The following PTPRT variants were observed in gnomAD, a reference collection of about 807,000 sequenced individuals.
PTPRT encodes the protein protein tyrosine phosphatase receptor type T.
In PTPRT, 56 loss-of-function variants were observed where a neutral mutation model predicts 176.8. That is an observed-to-expected ratio of 0.32 (90% CI 0.26 to 0.40). The LOEUF (loss-of-function observed/expected upper bound fraction) is 0.40. Among genes scored for constraint, PTPRT ranks in the 10% least tolerant of loss-of-function variants. The pLI is 1.00. For missense variants in PTPRT, 1,540 were observed against 1,908.2 expected, an observed-to-expected ratio of 0.81 and a Z score of 3.60; for synonymous variants, 783 against 739.0, an observed-to-expected ratio of 1.06 and a Z score of -0.96.
chr20:43,101,416 A>G (rs1411221727), intron 1 of PTPRT, among the ~76,000 whole-genome samples: 1 of 152,118 alleles, frequency 6.6e-6, no homozygotes, highest in African/African-American at 2.4e-5. Context: ...CCCAACTGCA[A>G]TGATCTGAGG....
At chr20:42,529,150 C>T (rs755328427) in intron 7 of PTPRT, among the ~76,000 whole-genome samples, 1 of 152,194 alleles carries the variant, frequency 6.6e-6, no homozygotes, top group Non-Finnish European at 1.5e-5. Context: ...TCAGCTTCCT[C>T]ACCTATAAGA....
intron 8 of PTPRT, among the ~76,000 whole-genome samples, chr20:42,469,989 A>G (rs1383847705): frequency 6.6e-6 from 1 of 152,180 alleles, no homozygotes. Context: ...AGAGTACTAG[A>G]TCCTACTGAA....
chr20:42,660,241 A>G (rs953854248), intron 7 of PTPRT, among the ~76,000 whole-genome samples: 1 of 152,130 alleles, frequency 6.6e-6, no homozygotes, highest in African/African-American at 2.4e-5. Flanking sequence ...ACAAGTTCAG[A>G]AGATTTGTAA....
chr20:42,177,133 T>A (rs186754895), intron 16 of PTPRT, among the ~76,000 whole-genome samples: 1 of 152,330 alleles, frequency 6.6e-6, no homozygotes, highest in Non-Finnish European at 1.5e-5. Flanking sequence ...CAAGGTGTAA[T>A]GTACATATCT....
At position 42,850,106 on chromosome 20, in the gene PTPRT, C is replaced by T. The variant is rs1236688489; in HGVS notation, c.214+35701G>A. Among the ~76,000 whole-genome samples the T allele has an allele frequency of 5.3e-5, 8 of 152,304 alleles. 1 individual carries two copies. The South Asian group carries it at 1.7e-3, about 32-fold the overall frequency. ...ATAAACTGAATTTGTGAAGGACTAC[C>T]TCTTCCTCCATTTTCTCCTAATCAA... On this transcript the variant is annotated intron_variant, in intron 2 of 30. Coordinates refer to ENST00000373187, the MANE Select transcript of PTPRT (RefSeq NM_007050.6).
intron 2 of PTPRT, among the ~76,000 whole-genome samples, chr20:42,860,676 T>C (rs916619844): frequency 1.3e-5 from 2 of 152,194 alleles, no homozygotes; most frequent in African/African-American, 4.8e-5. Context: ...TAACTGGTGA[T>C]TGGTATTTAG....
chr20:43,089,632 G>A (rs2011742857), intron 1 of PTPRT, among the ~76,000 whole-genome samples: 1 of 152,182 alleles, frequency 6.6e-6, no homozygotes, highest in Non-Finnish European at 1.5e-5. Context: ...GAGAAGGAGA[G>A]GGAGGTGGAA....
At chr20:43,084,615 C>T (rs1309654046) in intron 1 of PTPRT, among the ~76,000 whole-genome samples, 1 of 152,186 alleles carries the variant, frequency 6.6e-6, no homozygotes, top group Non-Finnish European at 1.5e-5. Flanking sequence ...GGAGGGGACA[C>T]AGAGCCAAAC....
intron 11 of PTPRT, among the ~76,000 whole-genome samples, chr20:42,334,705 C>T (rs994477044): frequency 1.3e-5 from 2 of 152,162 alleles, no homozygotes; most frequent in Non-Finnish European, 2.9e-5. Flanking sequence ...AGAGCATAGG[C>T]TCAGGAATCA....
At chr20:42,339,855 CAGTA>C in intron 11 of PTPRT, among the ~76,000 whole-genome samples, 1 of 152,340 alleles carries the variant, frequency 6.6e-6, no homozygotes, top group South Asian at 2.1e-4. Flanking sequence ...AGAATCTCCA[CAGTA>C]AGTAAGCCCA....
chr20:42,180,083 G>A (rs1156464452), intron 16 of PTPRT, among the ~76,000 whole-genome samples: 2 of 152,196 alleles, frequency 1.3e-5, no homozygotes, highest in African/African-American at 4.8e-5. Context: ...CCTTACCCCA[G>A]AAGGCTAGGC....
intron 7 of PTPRT, among the ~76,000 whole-genome samples, chr20:42,584,011 T>A (rs1423508984): frequency 3.3e-5 from 5 of 152,184 alleles, no homozygotes; most frequent in Non-Finnish European, 5.9e-5. Context: ...TTAACTGATC[T>A]GGCTGAGCCC....
chr20:42,177,264 T>C (rs1990332842), intron 16 of PTPRT, among the ~76,000 whole-genome samples: 1 of 152,168 alleles, frequency 6.6e-6, no homozygotes, highest in Non-Finnish European at 1.5e-5. Flanking sequence ...CCTTGAGTAG[T>C]GAGGGATTAG....
At chr20:42,275,155 C>A (rs781128816) in intron 13 of PTPRT, among the ~76,000 whole-genome samples, 11 of 152,228 alleles carry the variant, frequency 7.2e-5, no homozygotes, top group Non-Finnish European at 1.2e-4. Context: ...TGTCAGCACA[C>A]AAAGCCCTGT....
chr20:43,143,968 T>C (rs1219261674), intron 1 of PTPRT, among the ~76,000 whole-genome samples: 1 of 152,172 alleles, frequency 6.6e-6, no homozygotes, highest in Non-Finnish European at 1.5e-5. Flanking sequence ...AAGGAACCCA[T>C]TGCCAAGTGA....
chr20:42,091,543 T>C (rs182606201), intron 27 of PTPRT, among the ~76,000 whole-genome samples: 2 of 152,226 alleles, frequency 1.3e-5, no homozygotes, highest in Non-Finnish European at 2.9e-5. Context: ...CTTTATTTAT[T>C]AAGGCCCCTG....
At chr20:42,761,533 G>C (rs2076915981) in intron 5 of PTPRT, among the ~76,000 whole-genome samples, 1 of 152,180 alleles carries the variant, frequency 6.6e-6, no homozygotes, top group South Asian at 2.1e-4. Flanking sequence ...ATGGGGCCAG[G>C]CCATTTTTGT....
chr20:42,575,457 C>A (rs1353012214), intron 7 of PTPRT, among the ~76,000 whole-genome samples: 1 of 152,194 alleles, frequency 6.6e-6, no homozygotes, highest in East Asian at 1.9e-4. Flanking sequence ...TCTCCACTTC[C>A]TGGGTTTCCA....
At chr20:42,467,726 GAT>G (rs150339324) in intron 8 of PTPRT, among the ~76,000 whole-genome samples, 1,605 of 152,248 alleles carry the variant, frequency 0.011, 28 homozygotes, top group African/African-American at 0.037. Flanking sequence ...CTATCATGTA[GAT>G]ATAAGATACA....
Sources: gnomAD v4.1 joint callset for allele counts (sites outside exome capture counted in the v4.1 genomes callset) on GRCh38, gnomAD v4.1.1 for gene constraint, MANE v1.5 for transcripts, NCBI Gene and HGNC (gene_info 2026-07-23, HGNC 2026-07-21) for gene names.